The following LRBA variants were observed in gnomAD, a reference collection of about 807,000 sequenced individuals.
LRBA encodes lipopolysaccharide-responsive and beige-like anchor protein.
Under a neutral mutation model 330.0 loss-of-function variants are expected in LRBA, and 176 were observed. That is an observed-to-expected ratio of 0.53 (90% CI 0.47 to 0.60). LRBA has a LOEUF of 0.60. LRBA is among the 20% of genes least tolerant of loss of function. The pLI is 0.00. For missense variants in LRBA, 3,259 were observed against 3,444.8 expected, an observed-to-expected ratio of 0.95 and a Z score of 1.35; for synonymous variants, 1,230 against 1,193.0, an observed-to-expected ratio of 1.03 and a Z score of -0.64.
At chr4:150,540,857 T>C (rs1194618979) in intron 40 of LRBA, among the ~76,000 whole-genome samples, 1 of 152,194 alleles carries the variant, frequency 6.6e-6, no homozygotes, top group Non-Finnish European at 1.5e-5. Flanking sequence ...GCTATTTTTG[T>C]TGCTGTAAAT....
At chr4:150,796,923 TTTATC>T (rs1403148399) in intron 34 of LRBA, among the ~76,000 whole-genome samples, 1 of 151,870 alleles carries the variant, frequency 6.6e-6, no homozygotes, top group Non-Finnish European at 1.5e-5. Flanking sequence ...AATGAGAAAT[TTTATC>T]TAGTCAGCTT....
chr4:150,489,692 A>G (rs1423071276), intron 41 of LRBA, among the ~76,000 whole-genome samples: 1 of 127,432 alleles, frequency 7.8e-6, no homozygotes, highest in African/African-American at 2.9e-5. Context: ...ATAAGAATAT[A>G]TTATATATTA....
intron 48 of LRBA, among the ~76,000 whole-genome samples, chr4:150,346,929 T>C (rs1351748271): frequency 6.6e-6 from 1 of 152,122 alleles, no homozygotes; most frequent in Non-Finnish European, 1.5e-5. Flanking sequence ...CTTGGCCACA[T>C]TGTTCATAAT....
At chr4:150,855,940 A>G (rs1579008297) in intron 22 of LRBA, among the ~76,000 whole-genome samples, 1 of 152,338 alleles carries the variant, frequency 6.6e-6, no homozygotes, top group East Asian at 1.9e-4. Context: ...ATTTGAGAGA[A>G]TATGTAAAGC....
At chr4:150,348,394 T>C (rs955215978) in intron 48 of LRBA, among the ~76,000 whole-genome samples, 5 of 152,180 alleles carry the variant, frequency 3.3e-5, no homozygotes, top group South Asian at 2.1e-4. Context: ...TTTTAAGTAA[T>C]AGGATCTTGC....
intron 40 of LRBA, among the ~76,000 whole-genome samples, chr4:150,498,653 G>A (rs931966942): frequency 2.0e-5 from 3 of 151,970 alleles, no homozygotes; most frequent in African/African-American, 7.2e-5. Flanking sequence ...AATGAACTTA[G>A]ATATTTATCT....
chr4:150,669,646 A>T (rs185354701), intron 37 of LRBA, among the ~76,000 whole-genome samples: 2 of 151,694 alleles, frequency 1.3e-5, no homozygotes, highest in African/African-American at 4.8e-5. Context: ...GCTCACTGCA[A>T]TCTCCACCTC....
At chr4:150,672,044 T>C (rs1199138107) in intron 37 of LRBA, among the ~76,000 whole-genome samples, 2 of 152,170 alleles carry the variant, frequency 1.3e-5, no homozygotes, top group African/African-American at 4.8e-5. Flanking sequence ...CTTTCTAACA[T>C]CAATTTCTAG....
chr4:150,280,856 G>C (rs1747405388), intron 55 of LRBA, among the ~76,000 whole-genome samples: 1 of 152,214 alleles, frequency 6.6e-6, no homozygotes, highest in South Asian at 2.1e-4. Flanking sequence ...GGCAGGTATT[G>C]CTCATTTTAG....
intron 36 of LRBA, among the ~76,000 whole-genome samples, chr4:150,703,550 C>CAGT (rs1785317670): frequency 6.6e-6 from 1 of 152,134 alleles, no homozygotes. Context: ...TTGTTTCCCT[C>CAGT]AGTAGTCACC....
chr4:150,411,827 T>C (rs2151946134), intron 47 of LRBA, among the ~76,000 whole-genome samples: 1 of 152,282 alleles, frequency 6.6e-6, no homozygotes. Flanking sequence ...CAGATCAAAG[T>C]AGTATGCATT....
At chr4:150,844,406 A>C (rs563854394) in intron 27 of LRBA, among the ~76,000 whole-genome samples, 199 bp from the exon 28 acceptor site, 1 of 152,184 alleles carries the variant, frequency 6.6e-6, no homozygotes, top group Admixed American at 6.5e-5. Flanking sequence ...ATGCAGGAAA[A>C]AATGACATAT....
At chr4:151,013,446 C>T (rs1745077919) in intron 2 of LRBA, 1 of 152,146 alleles carries the variant, frequency 6.6e-6, no homozygotes, top group Non-Finnish European at 1.5e-5. Context: ...AGGGGAGAAT[C>T]GCCTGAACCC....
At chr4:150,395,488 T>G (rs550763275) in intron 47 of LRBA, among the ~76,000 whole-genome samples, 1 of 152,268 alleles carries the variant, frequency 6.6e-6, no homozygotes, top group East Asian at 1.9e-4. Context: ...CCTTTAACTG[T>G]TATGGCCTCC....
rs1736931580 is a variant in LRBA at position 150,350,077 on chromosome 4, G to C, written c.7277C>G (p.Ala2426Gly). 6.2e-7 allele frequency: 1 copy of C among 1,611,240 alleles called. No individual in the cohort carries two copies. Among genetic ancestry groups the C allele is most frequent in the Non-Finnish European group, 8.5e-7 (1 of 1,179,034 alleles). ...IFGYKQQGPE[A>G]VRALNVFYYL... ...ATAGAACACATTGAGGGCTCGGACA[G>C]CTTCTGGTCCTTGCTGTTTATAGCC... is the stretch of plus-strand genomic sequence containing the variant. The change falls in exon 48 of 57, where the codon GCT becomes GGT. Residue 2426 changes from alanine (A) to glycine (G), a missense_variant. By Grantham distance (60) the Ala-to-Gly change is moderately conservative. Coordinates refer to ENST00000651943, the MANE Select transcript of LRBA (RefSeq NM_001364905.1).
At chr4:150,430,860 C>T (rs961176402) in intron 46 of LRBA, among the ~76,000 whole-genome samples, 4 of 151,798 alleles carry the variant, frequency 2.6e-5, no homozygotes, top group South Asian at 2.1e-4. Context: ...GTTCTAGTAC[C>T]AAGTAGTAAT....
intron 37 of LRBA, among the ~76,000 whole-genome samples, chr4:150,626,853 AT>A (rs1045629926): frequency 6.6e-6 from 1 of 152,164 alleles, no homozygotes; most frequent in Non-Finnish European, 1.5e-5. Context: ...CTTGTGATTA[AT>A]TACTTATATT....
intron 17 of LRBA, among the ~76,000 whole-genome samples, chr4:150,883,611 A>C (rs1728640457): frequency 6.6e-6 from 1 of 152,228 alleles, no homozygotes; most frequent in African/African-American, 2.4e-5. Context: ...AAAAATCCAT[A>C]ATTTAAAAAA....
chr4:150,556,803 A>G (rs761218041), intron 40 of LRBA, among the ~76,000 whole-genome samples: 12 of 152,206 alleles, frequency 7.9e-5, no homozygotes, highest in Non-Finnish European at 1.6e-4. Context: ...TAAATTGGAT[A>G]CTTCTTCCTA....
Sources: allele counts gnomAD v4.1 joint callset (sites outside exome capture counted in the v4.1 genomes callset), GRCh38; gene constraint gnomAD v4.1.1; transcripts MANE v1.5; gene names NCBI Gene and HGNC (gene_info 2026-07-23, HGNC 2026-07-21).